The following STK38L variants were observed in gnomAD, a reference collection of about 807,000 sequenced individuals.
STK38L encodes serine/threonine-protein kinase 38-like.
Under a neutral mutation model 59.7 loss-of-function variants are expected in STK38L, and 28 were observed. That is an observed-to-expected ratio of 0.47 (90% CI 0.35 to 0.64). The LOEUF (loss-of-function observed/expected upper bound fraction) is 0.64. Among genes scored for constraint, STK38L ranks in the 30% least tolerant of loss-of-function variants. STK38L has a pLI of 0.01. For missense variants in STK38L, 314 were observed against 555.8 expected, an observed-to-expected ratio of 0.56 and a Z score of 4.37; for synonymous variants, 162 against 176.8, an observed-to-expected ratio of 0.92 and a Z score of 0.66.
chr12:27,247,214 T>G (rs1942873257), intron 1 of STK38L, among the ~76,000 whole-genome samples: 1 of 152,230 alleles, frequency 6.6e-6, no homozygotes. Context: ...GGAGTAGGTA[T>G]TTTTATTATT....
chr12:27,249,126 A>G (rs1437636933), intron 1 of STK38L, among the ~76,000 whole-genome samples: 1 of 152,228 alleles, frequency 6.6e-6, no homozygotes, highest in Non-Finnish European at 1.5e-5. Flanking sequence ...TTTTCCCACC[A>G]GGAACAGCTT....
chr12:27,263,360 T>G (rs1943241327), intron 1 of STK38L, among the ~76,000 whole-genome samples: 1 of 152,178 alleles, frequency 6.6e-6, no homozygotes, highest in African/African-American at 2.4e-5. Context: ...TCTTTTATTT[T>G]ATTACACTTC....
At chr12:27,305,067 T>G (rs1254129057) in intron 3 of STK38L, among the ~76,000 whole-genome samples, 1 of 152,214 alleles carries the variant, frequency 6.6e-6, no homozygotes, top group African/African-American at 2.4e-5. Flanking sequence ...GCATCAGTGG[T>G]GGGGACTGAC....
rs557207257 is a variant in STK38L, at chr12:27,246,065, C to G, written c.-12+1733C>G. ...TTTAAAATAAGTCAAAGAATGGAGA[C>G]TGAGATGATTTGTGCCAACAAATAG... On this transcript the variant is annotated intron_variant, in intron 1 of 13. Coordinates refer to ENST00000389032, the MANE Select transcript of STK38L (RefSeq NM_015000.4). Among the ~76,000 whole-genome samples the G allele has an allele frequency of 3.3e-5, 5 of 152,296 alleles. No homozygotes were observed. The South Asian group carries it at 1.0e-3, about 32-fold the overall frequency.
chr12:27,303,012 TAAAAAAA>T (rs33949589), intron 3 of STK38L, among the ~76,000 whole-genome samples: 1 of 119,810 alleles, frequency 8.3e-6, no homozygotes, highest in Non-Finnish European at 1.7e-5. Context: ...GACTCCGTCT[TAAAAAAA>T]AAAAAAAAAA....
intron 3 of STK38L, among the ~76,000 whole-genome samples, chr12:27,304,344 A>G (rs559578221): frequency 1.4e-4 from 21 of 152,058 alleles, no homozygotes; most frequent in African/African-American, 4.8e-4. Flanking sequence ...TCAGTATCTA[A>G]TCTTCCCTGT....
At chr12:27,313,045 A>C (rs1345514667) in intron 6 of STK38L, among the ~76,000 whole-genome samples, 1 of 152,032 alleles carries the variant, frequency 6.6e-6, no homozygotes, top group Non-Finnish European at 1.5e-5. Flanking sequence ...TCAGGAGATC[A>C]AGACCATCCT....
Position 27,282,390 on chromosome 12 carries a change from T to G in STK38L, c.-11-15320T>G, listed in dbSNP as rs190059520. Among the ~76,000 whole-genome samples the G allele has an allele frequency of 4.7e-4, 72 of 152,322 alleles. 1 individual carries two copies. Among genetic ancestry groups the G allele is most frequent in the African/African-American group, 1.4e-3 (60 of 41,572 alleles). On this transcript the variant is annotated intron_variant, in intron 1 of 13. Transcript: ENST00000389032. The stretch of plus-strand genomic sequence containing the variant: ...GATAGTTACATTGTTCAATTATAGT[T>G]GGAATCAAAGAATGAATTTTTCAAT...
intron 2 of STK38L, among the ~76,000 whole-genome samples, chr12:27,300,813 A>G (rs1944150860): frequency 6.6e-6 from 1 of 152,224 alleles, no homozygotes; most frequent in Non-Finnish European, 1.5e-5. Context: ...AACAGGCTTT[A>G]AATGTTACAA....
intron 1 of STK38L, among the ~76,000 whole-genome samples, chr12:27,289,286 C>G (rs967997963): frequency 6.6e-6 from 1 of 150,870 alleles, no homozygotes; most frequent in Non-Finnish European, 1.5e-5. Context: ...AAAATTGCTG[C>G]TTTGGTAAAT....
chr12:27,253,834 G>C (rs145078691), intron 1 of STK38L, among the ~76,000 whole-genome samples: 2 of 152,196 alleles, frequency 1.3e-5, no homozygotes, highest in African/African-American at 2.4e-5. Context: ...CCGTGATGCT[G>C]GACAGGAGCA....
intron 1 of STK38L, among the ~76,000 whole-genome samples, chr12:27,263,294 A>AC (rs1337456565): frequency 6.6e-6 from 1 of 152,192 alleles, no homozygotes; most frequent in Admixed American, 6.5e-5. Context: ...CTTGAGTTAA[A>AC]CCAAGGCTCA....
chr12:27,320,762 A>G (rs1461393347), intron 12 of STK38L, among the ~76,000 whole-genome samples: 2 of 150,332 alleles, frequency 1.3e-5, no homozygotes, highest in African/African-American at 4.9e-5. Context: ...TAATGTGACT[A>G]TAGTGCTGCA....
chr12:27,312,811 A>G (rs1366880238), intron 6 of STK38L, 139 bp downstream of exon 6: 4 of 992,000 alleles, frequency 4.0e-6, no homozygotes, highest in Non-Finnish European at 2.9e-6. Flanking sequence ...ATTTACTACC[A>G]TATTGATGCT....
intron 4 of STK38L, 39 bp from the exon 5 acceptor site, chr12:27,309,075 G>A (rs375676871): frequency 1.1e-5 from 16 of 1,444,234 alleles, no homozygotes; most frequent in Admixed American, 1.1e-4. Context: ...TGAACAAATA[G>A]TAGTGACTGT....
intron 1 of STK38L, among the ~76,000 whole-genome samples, chr12:27,246,358 G>T (rs922273): frequency 0.16 from 24,670 of 152,046 alleles, 2,293 homozygotes; most frequent in African/African-American, 0.26. Flanking sequence ...TTGTTAAGAG[G>T]GAGAAAGGGC....
chr12:27,315,911 A>T (rs1487539986), intron 9 of STK38L, among the ~76,000 whole-genome samples: 1 of 152,182 alleles, frequency 6.6e-6, no homozygotes, highest in Non-Finnish European at 1.5e-5. Flanking sequence ...TCTATAACTG[A>T]GCAAATAGAA....
chr12:27,281,606 A>G (rs1405160083), intron 1 of STK38L, among the ~76,000 whole-genome samples: 2 of 152,246 alleles, frequency 1.3e-5, no homozygotes, highest in Non-Finnish European at 2.9e-5. Context: ...TAATGCACAC[A>G]GTACTGCCTG....
intron 1 of STK38L, among the ~76,000 whole-genome samples, chr12:27,295,885 A>G (rs1224613355): frequency 6.6e-6 from 1 of 152,248 alleles, no homozygotes; most frequent in Non-Finnish European, 1.5e-5. Flanking sequence ...TGCAGTGGAT[A>G]TAACTGCTTC....
Sources: gnomAD v4.1 joint callset for allele counts (sites outside exome capture counted in the v4.1 genomes callset) on GRCh38, gnomAD v4.1.1 for gene constraint, MANE v1.5 for transcripts, NCBI Gene and HGNC (gene_info 2026-07-23, HGNC 2026-07-21) for gene names.